CSMD1: variants seen among roughly 807,000 people sequenced by gnomAD.
CSMD1 encodes the protein CUB and sushi domain-containing protein 1.
CSMD1 carries 213 observed loss-of-function variants against 417.5 expected under a neutral mutation model. The observed-to-expected ratio is 0.51, with a 90% CI of 0.46 to 0.57. The LOEUF is 0.57. Among genes scored for constraint, CSMD1 ranks in the 20% least tolerant of loss-of-function variants. The pLI is 0.00. For missense variants in CSMD1, 6,923 were observed against 4,529.7 expected (o/e 1.53, Z -15.17); for synonymous variants, 2,862 against 1,736.8 (o/e 1.65, Z -16.11).
chr8:4,665,932 T>G (rs897243219), intron 1 of CSMD1, among the ~76,000 whole-genome samples: 1 of 152,198 alleles, frequency 6.6e-6, no homozygotes, highest in Non-Finnish European at 1.5e-5. Context: ...ATGACCCAAA[T>G]GTTTGCCAAC....
At chr8:3,600,732 C>T (rs757600780) in intron 8 of CSMD1, among the ~76,000 whole-genome samples, 6 of 152,290 alleles carry the variant, frequency 3.9e-5, no homozygotes, top group Admixed American at 1.3e-4. Context: ...AGGCACCCAC[C>T]TCTATCCCCA....
At chr8:4,422,269 T>C (rs989963464) in intron 2 of CSMD1, among the ~76,000 whole-genome samples, 2 of 152,104 alleles carry the variant, frequency 1.3e-5, no homozygotes, top group African/African-American at 2.4e-5. Context: ...GTGGATAGAA[T>C]GCTTTTGTAG....
chr8:3,777,338 GCTCCAGACAGCAGTGC>G (rs1798948140), intron 5 of CSMD1, among the ~76,000 whole-genome samples: 1 of 152,054 alleles, frequency 6.6e-6, no homozygotes, highest in African/African-American at 2.4e-5. Flanking sequence ...CTCACACAGT[GCTCCAGACAGCAGTGC>G]CTCCAGATGA....
intron 3 of CSMD1, among the ~76,000 whole-genome samples, chr8:4,378,865 G>A (rs1202731341): frequency 6.6e-6 from 1 of 152,160 alleles, no homozygotes; most frequent in African/African-American, 2.4e-5. Context: ...GAAACAGAGA[G>A]TCAGCCCTTT....
chr8:3,306,986 G>GTTACT (rs1584968234), intron 25 of CSMD1, among the ~76,000 whole-genome samples: 1 of 151,930 alleles, frequency 6.6e-6, no homozygotes, highest in African/African-American at 2.4e-5. Context: ...TTTTATATGT[G>GTTACT]TTACTTTAGA....
At chr8:3,390,607 G>C (rs1441078890) in intron 17 of CSMD1, among the ~76,000 whole-genome samples, 4 of 151,426 alleles carry the variant, frequency 2.6e-5, no homozygotes, top group Admixed American at 6.6e-5. Context: ...CTTCTTACTT[G>C]AACCTTAAAG....
At chr8:3,990,170 G>C (rs924642874) in intron 5 of CSMD1, among the ~76,000 whole-genome samples, 1 of 152,130 alleles carries the variant, frequency 6.6e-6, no homozygotes, top group Non-Finnish European at 1.5e-5. Flanking sequence ...CCAGGATTAA[G>C]GGCCACATAC....
At position 3,142,588 on chromosome 8, in the gene CSMD1, T is replaced by G; in HGVS notation, c.6118A>C (p.Met2040Leu). The G allele has an allele frequency of 2.5e-6, 4 of 1,614,006 alleles. No individual in the cohort carries two copies. The highest frequency in any genetic ancestry group is 3.4e-6 in the Non-Finnish European group (4 of 1,179,876). The change falls in exon 41 of 70, where the codon ATG (methionine) becomes CTG (leucine). Residue 2040 changes from methionine to leucine, a missense_variant. By Grantham distance (15) the Met-to-Leu change is conservative (BLOSUM62 2). Coordinates refer to ENST00000635120, the MANE Select transcript of CSMD1 (RefSeq NM_033225.6). Reference sequence around the variant, plus strand: ...TCCGTGCCGCTAAATTGTCCAATCATGGGGCTGGTGTGGTAAGGTCCATTT... The same window carrying G: ...TCCGTGCCGCTAAATTGTCCAATCAGGGGGCTGGTGTGGTAAGGTCCATTT... ...IQNGPYHTSPMIGQFSGTDLP... is the reference protein window; with the variant it reads ...IQNGPYHTSPLIGQFSGTDLP...
chr8:3,306,603 T>C (rs759629669), intron 25 of CSMD1, among the ~76,000 whole-genome samples: 11 of 152,088 alleles, frequency 7.2e-5, no homozygotes, highest in Non-Finnish European at 1.2e-4. Flanking sequence ...ATTAAGGCTA[T>C]TGGAGGTCAG....
chr8:3,736,110 G>C (rs927206914), intron 6 of CSMD1, among the ~76,000 whole-genome samples: 2 of 152,214 alleles, frequency 1.3e-5, no homozygotes, highest in Admixed American at 6.5e-5. Flanking sequence ...GTTGTATGCA[G>C]TTTACATACA....
At chr8:4,848,351 C>A (rs1476916286) in intron 1 of CSMD1, among the ~76,000 whole-genome samples, 2 of 152,142 alleles carry the variant, frequency 1.3e-5, no homozygotes, top group African/African-American at 4.8e-5. Context: ...GATGGGCCAC[C>A]TATACAATGG....
At chr8:4,427,640 TA>T (rs1486839366) in intron 2 of CSMD1, among the ~76,000 whole-genome samples, 1 of 152,170 alleles carries the variant, frequency 6.6e-6, no homozygotes, top group Non-Finnish European at 1.5e-5. Context: ...ATAATTACAT[TA>T]TTTTTATACG....
chr8:4,449,010 G>A (rs961638731), intron 2 of CSMD1, among the ~76,000 whole-genome samples: 5 of 152,130 alleles, frequency 3.3e-5, no homozygotes, highest in African/African-American at 1.2e-4. Flanking sequence ...TTTATTACTT[G>A]TGTGCGTTCA....
intron 3 of CSMD1, among the ~76,000 whole-genome samples, chr8:4,305,159 A>G (rs534282439): frequency 1.3e-5 from 2 of 152,344 alleles, no homozygotes; most frequent in South Asian, 2.1e-4. Flanking sequence ...ATTTTGAAAG[A>G]TAGTTTTTAA....
chr8:4,931,948 G>C (rs576845805), intron 1 of CSMD1, among the ~76,000 whole-genome samples: 1 of 151,932 alleles, frequency 6.6e-6, no homozygotes, highest in Non-Finnish European at 1.5e-5. Context: ...AAATTCTTGT[G>C]TAACATGTAT....
Position 3,022,322 on chromosome 8 carries a change from C to CGCAATCCCACAGCATCCGGAATGCACCT in CSMD1, c.7856-3673_7856-3672insAGGTGCATTCCGGATGCTGTGGGATTGC, listed in dbSNP as rs1563248112. ...AATCCCACAGCATCCGGAATGCACC[C>CGCAATCCCACAGCATCCGGAATGCACCT]GCAATCCCACAGCATCCGGAATGCA... On this transcript the variant is annotated intron_variant, in intron 51 of 69. Coordinates refer to ENST00000635120, the MANE Select transcript of CSMD1 (RefSeq NM_033225.6). Among the ~76,000 whole-genome samples the CGCAATCCCACAGCATCCGGAATGCACCT allele has an allele frequency of 1.3e-3, 180 of 141,308 alleles. 1 individual carries two copies. The highest frequency in any genetic ancestry group is 4.5e-3 in the African/African-American group (171 of 38,030). 92.7% of individuals were successfully genotyped at this position (141,308 alleles called of 152,430 possible). A position where few individuals can be genotyped will look rare whatever the true frequency, so the allele number is the denominator to read the frequency against.
chr8:4,140,746 A>G (rs1280941991), intron 3 of CSMD1, among the ~76,000 whole-genome samples: 2 of 150,910 alleles, frequency 1.3e-5, no homozygotes, highest in South Asian at 2.1e-4. Context: ...CACTCTAAGT[A>G]TCTTCATCTC....
At chr8:3,722,149 G>T (rs991679776) in intron 6 of CSMD1, among the ~76,000 whole-genome samples, 1 of 151,982 alleles carries the variant, frequency 6.6e-6, no homozygotes, top group African/African-American at 2.4e-5. Context: ...TTGAGACTAA[G>T]AATGCAAAAA....
intron 38 of CSMD1, among the ~76,000 whole-genome samples, chr8:3,160,004 A>G (rs1055357520): frequency 6.6e-6 from 1 of 152,226 alleles, no homozygotes; most frequent in Non-Finnish European, 1.5e-5. Flanking sequence ...AGGAAACATG[A>G]TATTTACCTG....
Sources: allele counts gnomAD v4.1 joint callset (sites outside exome capture counted in the v4.1 genomes callset), GRCh38; gene constraint gnomAD v4.1.1; transcripts MANE v1.5; gene names NCBI Gene and HGNC (gene_info 2026-07-23, HGNC 2026-07-21).